KIFAP3: variants seen among roughly 807,000 people sequenced by gnomAD.
KIFAP3 encodes the protein kinesin associated protein 3, also known as kinesin-associated protein 3.
In KIFAP3, 68 loss-of-function variants were observed where a neutral mutation model predicts 106.5. The ratio of observed to expected loss-of-function variants is 0.64; its 90% CI spans 0.53 to 0.78. The LOEUF (loss-of-function observed/expected upper bound fraction) is 0.78. KIFAP3 is among the 30% of genes least tolerant of loss of function. The probability of loss-of-function intolerance (pLI) is 0.00; values close to 1 mark genes in which losing one functional copy is unlikely to be tolerated. For synonymous variants in KIFAP3, 320 were observed against 311.5 expected, an observed-to-expected ratio of 1.03 and a Z score of -0.29; for missense variants, 780 against 941.8, an observed-to-expected ratio of 0.83 and a Z score of 2.25.
intron 19 of KIFAP3, among the ~76,000 whole-genome samples, chr1:169,925,891 C>T (rs77420219): frequency 0.035 from 5,284 of 152,164 alleles, 263 homozygotes; most frequent in African/African-American, 0.11. Context: ...TTTATTAAAA[C>T]GAGATAAAAG....
chr1:169,941,682 T>C lies in KIFAP3; in HGVS notation c.2273+12329A>G, dbSNP rs541542513. Among the ~76,000 whole-genome samples, 5 of 152,234 alleles carry C rather than the reference T, an allele frequency of 3.3e-5. No individual in the cohort carries two copies. In the East Asian group the frequency reaches 7.7e-4, roughly 23 times the overall value. On this transcript the variant is annotated intron_variant, in intron 19 of 19. Transcript: ENST00000361580. ...ACAATAAAATATATTTATCAATGACTATCACCCAAGATGGCCCCCTGAGGG... is the reference window on the plus strand; with the variant it reads ...ACAATAAAATATATTTATCAATGACCATCACCCAAGATGGCCCCCTGAGGG...
At chr1:169,932,255 C>T (rs1384560998) in intron 19 of KIFAP3, among the ~76,000 whole-genome samples, 1 of 151,990 alleles carries the variant, frequency 6.6e-6, no homozygotes, top group African/African-American at 2.4e-5. Context: ...GAGGAAAGTT[C>T]TTGTTGGAGG....
At chr1:169,974,076 C>T (rs1221523547) in intron 16 of KIFAP3, among the ~76,000 whole-genome samples, 1 of 151,710 alleles carries the variant, frequency 6.6e-6, no homozygotes, top group African/African-American at 2.4e-5. Context: ...GAAACATATA[C>T]TCCTTTAGAA....
chr1:170,024,309 T>G, intron 9 of KIFAP3, 109 bp downstream of exon 9: 2 of 626,742 alleles, frequency 3.2e-6, no homozygotes, highest in South Asian at 5.4e-5. Context: ...TATAAAATCT[T>G]TATTCAGAAT....
intron 1 of KIFAP3, among the ~76,000 whole-genome samples, chr1:170,062,386 T>G (rs1557874268): frequency 6.6e-6 from 1 of 150,632 alleles, no homozygotes; most frequent in Non-Finnish European, 1.5e-5. Context: ...GGTTTTTTCA[T>G]TTTTTAAAAA....
chr1:169,937,078 T>C (rs191840267), intron 19 of KIFAP3, among the ~76,000 whole-genome samples: 48 of 151,144 alleles, frequency 3.2e-4, no homozygotes, highest in Admixed American at 2.4e-3. Flanking sequence ...AGCCTGATAA[T>C]ACTATTACCC....
chr1:169,973,420 A>G (rs918960523), intron 16 of KIFAP3, among the ~76,000 whole-genome samples: 5 of 124,260 alleles, frequency 4.0e-5, no homozygotes, highest in East Asian at 2.4e-4. Flanking sequence ...ACTAAAAACT[A>G]TAATTCAAGA....
At chr1:170,024,705 T>C (rs1043314261) in intron 8 of KIFAP3, 109 bp from the exon 9 acceptor site, 2 of 604,464 alleles carry the variant, frequency 3.3e-6, no homozygotes, top group Non-Finnish European at 5.2e-6. Flanking sequence ...AAAGGTAATA[T>C]ATTATTTTGA....
intron 5 of KIFAP3, among the ~76,000 whole-genome samples, chr1:170,037,235 G>A (rs1669737093): frequency 6.6e-6 from 1 of 152,078 alleles, no homozygotes; most frequent in Non-Finnish European, 1.5e-5. Context: ...TAAAAGAATG[G>A]CAAGCATATA....
intron 11 of KIFAP3, chr1:169,990,013 T>C: frequency 6.4e-7 from 1 of 1,554,752 alleles, no homozygotes; most frequent in Admixed American, 1.9e-5. Context: ...GTTCATATTC[T>C]TCTAACAAAA....
chr1:170,034,400 T>G lies in KIFAP3; in HGVS notation c.714A>C (p.Gln238His), dbSNP rs755406330. The change falls in exon 7 of 20, where the codon CAA becomes CAC. Residue 238 changes from glutamine (Q) to histidine (H), a missense_variant. By Grantham distance (24) the Gln-to-His change is conservative. Around this residue, in one of 3 missense-constraint regions of KIFAP3, gnomAD observed 588 missense variants for 678.9 expected, o/e 0.87. Transcript: ENST00000361580. ...DHELKRHELW[Q>H]EELSKKKKAV... is the part of the protein sequence containing the mutation. The stretch of plus-strand genomic sequence containing the variant: ...CTTTCTTCTTCTTTGAGAGTTCTTC[T>G]TGCCAAAGCTCATGTCTTTTTAACT... 2 of 1,606,224 alleles carry G rather than the reference T, an allele frequency of 1.2e-6. No individual in the cohort carries two copies. The highest frequency in any genetic ancestry group is 1.7e-6 in the Non-Finnish European group (2 of 1,176,516).
At chr1:169,984,922 G>A (rs567559299) in intron 11 of KIFAP3, among the ~76,000 whole-genome samples, 1 of 151,880 alleles carries the variant, frequency 6.6e-6, no homozygotes, top group South Asian at 2.1e-4. Context: ...AAGTACAGTG[G>A]AGAATATAAG....
intron 19 of KIFAP3, among the ~76,000 whole-genome samples, chr1:169,927,931 T>A (rs1273250117): frequency 7.1e-6 from 1 of 141,286 alleles, no homozygotes; most frequent in Non-Finnish European, 1.6e-5. Context: ...GACCAAATTC[T>A]ATGTTTTAGG....
intron 9 of KIFAP3, among the ~76,000 whole-genome samples, chr1:170,020,436 C>T (rs1248973192): frequency 6.6e-6 from 1 of 152,002 alleles, no homozygotes; most frequent in Non-Finnish European, 1.5e-5. Context: ...GAAATAGAGG[C>T]AAACATATAT....
intron 1 of KIFAP3, among the ~76,000 whole-genome samples, chr1:170,081,537 C>A (rs1248543916): frequency 6.6e-6 from 1 of 152,184 alleles, no homozygotes; most frequent in African/African-American, 2.4e-5. Context: ...AGTTTCCTTG[C>A]CATTTTCAGC....
chr1:169,993,926 A>G (rs1320815356), intron 10 of KIFAP3, among the ~76,000 whole-genome samples: 4 of 152,128 alleles, frequency 2.6e-5, no homozygotes, highest in South Asian at 2.1e-4. Context: ...CTATCTCTCA[A>G]ATTTACTTTG....
chr1:169,965,810 T>A (rs1054848624), intron 17 of KIFAP3, among the ~76,000 whole-genome samples: 9 of 151,190 alleles, frequency 6.0e-5, no homozygotes, highest in Non-Finnish European at 1.2e-4. Flanking sequence ...GATTATCAAA[T>A]CTATTTGACA....
intron 17 of KIFAP3, among the ~76,000 whole-genome samples, chr1:169,966,454 C>T (rs1231017610): frequency 3.7e-5 from 3 of 80,356 alleles, no homozygotes; most frequent in African/African-American, 5.3e-5. Flanking sequence ...AGATCATAGA[C>T]GGAAAATGGC....
intron 19 of KIFAP3, among the ~76,000 whole-genome samples, chr1:169,935,900 A>G (rs1423378532): frequency 6.6e-6 from 1 of 152,008 alleles, no homozygotes; most frequent in Non-Finnish European, 1.5e-5. Flanking sequence ...TCTGAGTTCT[A>G]TCTAATTCAT....
Sources: gnomAD v4.1 joint callset for allele counts (sites outside exome capture counted in the v4.1 genomes callset) on GRCh38, gnomAD v4.1.1 for gene constraint, gnomAD v4.1.1 regional missense constraint, MANE v1.5 for transcripts, NCBI Gene and HGNC (gene_info 2026-07-23, HGNC 2026-07-21) for gene names.